The following KHDRBS2 variants were observed in gnomAD, a reference collection of about 807,000 sequenced individuals.
KHDRBS2 encodes KH RNA binding domain containing, signal transduction associated 2.
Under a neutral mutation model 44.3 loss-of-function variants are expected in KHDRBS2, and 26 were observed. That is an observed-to-expected ratio of 0.59 (90% confidence interval 0.43 to 0.81). The LOEUF (loss-of-function observed/expected upper bound fraction) is 0.81, where lower values mean the gene tolerates loss of function less well. KHDRBS2 is among the 40% of genes least tolerant of loss of function. The pLI is 0.00. For synonymous variants in KHDRBS2, 194 were observed against 151.1 expected, an observed-to-expected ratio of 1.28 and a Z score of -2.08; for missense variants, 476 against 433.1, an observed-to-expected ratio of 1.10 and a Z score of -0.88.
chr6:61,901,504 C>T, intron 4 of KHDRBS2, 133 bp from the exon 5 acceptor site: 2 of 656,462 alleles, frequency 3.0e-6, no homozygotes, highest in Non-Finnish European at 5.1e-6. Context: ...ACTTTATATG[C>T]AAAAATATAA....
intron 1 of KHDRBS2, among the ~76,000 whole-genome samples, chr6:62,209,287 G>A (rs1024068804): frequency 6.6e-5 from 10 of 151,982 alleles, no homozygotes; most frequent in African/African-American, 2.4e-4. Flanking sequence ...TTTTGGTAGT[G>A]GAAATAACAA....
intron 1 of KHDRBS2, among the ~76,000 whole-genome samples, chr6:62,253,450 G>T (rs191609137): frequency 7.8e-4 from 118 of 151,820 alleles, no homozygotes; most frequent in African/African-American, 2.6e-3. Context: ...AATTCATTAG[G>T]GCAATCTCTC....
chr6:62,267,524 A>C (rs1585520223), intron 1 of KHDRBS2, among the ~76,000 whole-genome samples: 1 of 152,080 alleles, frequency 6.6e-6, no homozygotes, highest in East Asian at 1.9e-4. Context: ...AAACTTGGAC[A>C]ATCTCCTTAA....
rs191386445 is a variant in KHDRBS2 at position 61,886,041 on chromosome 6, T to G, written c.810+8594A>C. 2.6e-5 allele frequency among the ~76,000 whole-genome samples: 4 copies of G among 152,168 alleles called. No homozygotes were observed. In the South Asian group the frequency reaches 8.3e-4, roughly 31 times the overall value. On this transcript the variant is annotated intron_variant, in intron 6 of 8. Coordinates refer to ENST00000281156, the MANE Select transcript of KHDRBS2 (RefSeq NM_152688.4). ...ACCTCCAATACCATCCCTGTTGTCA[T>G]AGCTAGGGCCACATCTCAGTCAGTC...
intron 6 of KHDRBS2, among the ~76,000 whole-genome samples, chr6:61,827,268 G>A (rs548438510): frequency 2.2e-4 from 34 of 152,288 alleles, no homozygotes; most frequent in African/African-American, 7.2e-4. Flanking sequence ...CTTCCTCTAG[G>A]TTACAGTTGG....
chr6:61,847,018 C>T (rs1423790652), intron 6 of KHDRBS2, among the ~76,000 whole-genome samples: 3 of 151,498 alleles, frequency 2.0e-5, no homozygotes, highest in Non-Finnish European at 4.4e-5. Flanking sequence ...AGAAATATAC[C>T]TTGATTTCAA....
chr6:61,662,703 C>A, the KHDRBS2 span, among the ~76,000 whole-genome samples: 2 of 151,980 alleles, frequency 1.3e-5, no homozygotes, highest in African/African-American at 4.8e-5. Flanking sequence ...CAATGAGGTA[C>A]CATCTCACAC....
At chr6:61,848,954 T>A (rs1262251676) in intron 6 of KHDRBS2, among the ~76,000 whole-genome samples, 1 of 151,948 alleles carries the variant, frequency 6.6e-6, no homozygotes, top group African/African-American at 2.4e-5. Flanking sequence ...ATTATCCAAA[T>A]CTTTGAAAGA....
intron 4 of KHDRBS2, among the ~76,000 whole-genome samples, chr6:61,916,826 A>G (rs1177191585): frequency 6.6e-6 from 1 of 151,960 alleles, no homozygotes. Flanking sequence ...GTGTATGAAA[A>G]GATGCTCAAA....
chr6:61,897,853 G>A (rs559553585), intron 5 of KHDRBS2, among the ~76,000 whole-genome samples: 41 of 152,146 alleles, frequency 2.7e-4, no homozygotes, highest in Admixed American at 1.0e-3. Flanking sequence ...CGTTCTCAAC[G>A]TGGTAAACAA....
At chr6:61,801,280 A>T (rs1356715169) in intron 6 of KHDRBS2, among the ~76,000 whole-genome samples, 1 of 152,110 alleles carries the variant, frequency 6.6e-6, no homozygotes, top group Non-Finnish European at 1.5e-5. Flanking sequence ...ATTGATTTCT[A>T]TCCTTAAGGA....
intron 7 of KHDRBS2, among the ~76,000 whole-genome samples, chr6:61,725,941 C>G (rs1773472376): frequency 6.6e-6 from 1 of 152,088 alleles, no homozygotes; most frequent in East Asian, 1.9e-4. Context: ...CTCCTAAACT[C>G]CTTCTATGAG....
chr6:61,755,284 G>A (rs1582628132), intron 6 of KHDRBS2, among the ~76,000 whole-genome samples: 1 of 152,020 alleles, frequency 6.6e-6, no homozygotes, highest in African/African-American at 2.4e-5. Flanking sequence ...ATCTGTTTTA[G>A]CTACTGAGCA....
intron 6 of KHDRBS2, among the ~76,000 whole-genome samples, chr6:61,865,706 A>G (rs1342778957): frequency 1.3e-5 from 2 of 152,216 alleles, no homozygotes; most frequent in African/African-American, 4.8e-5. Flanking sequence ...AATTCATTTC[A>G]GCATTAACTC....
the KHDRBS2 span, among the ~76,000 whole-genome samples, chr6:61,580,600 A>T: frequency 6.6e-6 from 1 of 152,096 alleles, no homozygotes; most frequent in Non-Finnish European, 1.5e-5. Context: ...CTGTGGCTTC[A>T]TTCCTGAAGT....
chr6:62,173,003 C>T (rs892383902), intron 2 of KHDRBS2, among the ~76,000 whole-genome samples: 2 of 151,876 alleles, frequency 1.3e-5, no homozygotes, highest in Admixed American at 1.3e-4. Context: ...CTCAAATTAG[C>T]AACCTAACAT....
intron 6 of KHDRBS2, among the ~76,000 whole-genome samples, chr6:61,860,168 C>A (rs1487042294): frequency 6.6e-6 from 1 of 151,888 alleles, no homozygotes; most frequent in Non-Finnish European, 1.5e-5. Context: ...TACTTAGACA[C>A]CTCATGGTAA....
In KHDRBS2 at chr6:61,941,607, A is replaced by G. The variant is rs533627162; in HGVS notation, c.483+36459T>C. ...GCAGGAAAACTTTACCACAGCCTCCACCAATAACTGCTCCCTAAGCCACCA... is the reference window on the plus strand; with the variant it reads ...GCAGGAAAACTTTACCACAGCCTCCGCCAATAACTGCTCCCTAAGCCACCA... On this transcript the variant is annotated intron_variant, in intron 4 of 8. Transcript: ENST00000281156. 1.3e-4 allele frequency among the ~76,000 whole-genome samples: 20 copies of G among 152,246 alleles called. 1 individual carries two copies. Among genetic ancestry groups the G allele is most frequent in the African/African-American group, 4.8e-4 (20 of 41,554 alleles).
chr6:61,637,558 A>C, the KHDRBS2 span, among the ~76,000 whole-genome samples: 1 of 152,126 alleles, frequency 6.6e-6, no homozygotes, highest in East Asian at 1.9e-4. Flanking sequence ...CAGTAATGGG[A>C]TGGCTGGGTC....
Sources: gnomAD v4.1 joint callset for allele counts (sites outside exome capture counted in the v4.1 genomes callset) on GRCh38, gnomAD v4.1.1 for gene constraint, MANE v1.5 for transcripts, NCBI Gene and HGNC (gene_info 2026-07-23, HGNC 2026-07-21) for gene names.